PDE10A: variants seen among roughly 807,000 people sequenced by gnomAD.
The protein encoded by PDE10A is cAMP and cAMP-inhibited cGMP 3',5'-cyclic phosphodiesterase 10A.
Under a neutral mutation model 97.7 loss-of-function variants are expected in PDE10A, and 39 were observed. The observed-to-expected ratio is 0.40, with a 90% CI of 0.31 to 0.52. The LOEUF (loss-of-function observed/expected upper bound fraction) is 0.52. PDE10A is among the 20% of genes least tolerant of loss of function. The pLI, the probability that PDE10A is intolerant of heterozygous loss-of-function variation, is 0.56. For missense variants in PDE10A, 731 were observed against 1,047.8 expected, an observed-to-expected ratio of 0.70 and a Z score of 4.17; for synonymous variants, 371 against 376.8, an observed-to-expected ratio of 0.98 and a Z score of 0.18.
At chr6:165,986,500 C>CCTCTCTCTCTCTGTCT (rs1248530433) in intron 1 of PDE10A, 1 of 130,530 alleles carries the variant, frequency 7.7e-6, no homozygotes, top group African/African-American at 3.1e-5. Flanking sequence ...TGGTGTTGCG[C>CCTCTCTCTCTCTGTCT]CTCTCTCTCT....
At chr6:165,378,146 T>C (rs1245004196) in intron 18 of PDE10A, among the ~76,000 whole-genome samples, 1 of 152,228 alleles carries the variant, frequency 6.6e-6, no homozygotes, top group Non-Finnish European at 1.5e-5. Flanking sequence ...CTTTATTAGA[T>C]ATCTATAGTC....
At chr6:165,790,447 T>A (rs145759949) in intron 1 of PDE10A, among the ~76,000 whole-genome samples, 149 of 152,276 alleles carry the variant, frequency 9.8e-4, no homozygotes, top group African/African-American at 3.4e-3. Flanking sequence ...TGAGTTAACC[T>A]AAGAAAGTTT....
rs140845501 is a variant in PDE10A, at chr6:165,406,228, A to ATATGTGTGTGTGTGTGTGTGTGTGTG, written c.2076+7272_2076+7273insCACACACACACACACACACACACATA. ...TTCAAATTCAAGATGAGGGAAAAGGATGTGTGTGTGTGTGTGTGTGTGTGT... is the reference window on the plus strand; with the variant it reads ...TTCAAATTCAAGATGAGGGAAAAGGATATGTGTGTGTGTGTGTGTGTGTGTGTGTGTGTGTGTGTGTGTGTGTGTGT... On this transcript the variant is annotated intron_variant, in intron 13 of 21. Coordinates refer to ENST00000539869, the MANE Select transcript of PDE10A (RefSeq NM_001385079.1). Among the ~76,000 whole-genome samples the ATATGTGTGTGTGTGTGTGTGTGTGTG allele has an allele frequency of 2.0e-3, 284 of 140,502 alleles. 2 individuals are homozygous for ATATGTGTGTGTGTGTGTGTGTGTGTG. The highest frequency in any genetic ancestry group is 6.9e-3 in the African/African-American group (257 of 37,180). 92.2% of individuals were successfully genotyped at this position (140,502 alleles called of 152,430 possible).
chr6:165,480,470 C>T (rs1419658556), intron 3 of PDE10A, among the ~76,000 whole-genome samples: 1 of 152,052 alleles, frequency 6.6e-6, no homozygotes, highest in South Asian at 2.1e-4. Context: ...CCTGTAGTCC[C>T]AGCTATTTAG....
chr6:165,653,414 TC>T (rs1789781428), intron 1 of PDE10A, among the ~76,000 whole-genome samples: 2 of 152,120 alleles, frequency 1.3e-5, no homozygotes, highest in African/African-American at 4.8e-5. Flanking sequence ...GAAAAAGGGT[TC>T]CAGGGCACTG....
At chr6:165,333,161 G>A in intron 21 of PDE10A, 34 bp from the exon 22 acceptor site, 1 of 1,269,012 alleles carries the variant, frequency 7.9e-7, no homozygotes, top group Non-Finnish European at 1.2e-6. Flanking sequence ...AGGAGAAGCT[G>A]AATAAAGGAT....
chr6:165,860,863 C>A (rs1368346313), intron 1 of PDE10A, among the ~76,000 whole-genome samples: 1 of 152,178 alleles, frequency 6.6e-6, no homozygotes, highest in Non-Finnish European at 1.5e-5. Flanking sequence ...TGAAGGGCTC[C>A]CGCACCCATT....
chr6:165,970,013 G>A (rs1430327412), intron 1 of PDE10A, among the ~76,000 whole-genome samples: 4 of 152,178 alleles, frequency 2.6e-5, no homozygotes, highest in Non-Finnish European at 5.9e-5. Flanking sequence ...GTGACCAAGT[G>A]GTCAAAGTAA....
chr6:165,923,192 T>G (rs556687078), intron 1 of PDE10A, among the ~76,000 whole-genome samples: 19 of 152,334 alleles, frequency 1.2e-4, no homozygotes, highest in Middle Eastern at 3.4e-3. Flanking sequence ...GATGTGTCTT[T>G]TTACATGGTT....
chr6:165,827,995 C>T (rs1779808040), intron 1 of PDE10A, among the ~76,000 whole-genome samples: 1 of 152,176 alleles, frequency 6.6e-6, no homozygotes, highest in Admixed American at 6.5e-5. Flanking sequence ...TAACTGCTGG[C>T]CCCACAGAAT....
intron 1 of PDE10A, among the ~76,000 whole-genome samples, chr6:165,600,115 G>A (rs1300058604): frequency 6.6e-6 from 1 of 152,136 alleles, no homozygotes; most frequent in Non-Finnish European, 1.5e-5. Context: ...TTTCATCTCT[G>A]TCAAATCAAC....
chr6:165,906,336 C>G (rs112355749), intron 1 of PDE10A, among the ~76,000 whole-genome samples: 1 of 151,898 alleles, frequency 6.6e-6, no homozygotes, highest in African/African-American at 2.4e-5. Context: ...TATGAACTCA[C>G]GTCCTGAGAT....
intron 2 of PDE10A, among the ~76,000 whole-genome samples, chr6:165,532,229 T>C (rs922147204): frequency 6.6e-6 from 1 of 151,912 alleles, no homozygotes; most frequent in African/African-American, 2.4e-5. Context: ...CCTTTGCTCA[T>C]GTTGCTCCTC....
At chr6:165,648,316 A>G (rs1789509989) in intron 1 of PDE10A, among the ~76,000 whole-genome samples, 1 of 152,114 alleles carries the variant, frequency 6.6e-6, no homozygotes, top group South Asian at 2.1e-4. Flanking sequence ...CCGGCCTTAC[A>G]TATGCATTTC....
At chr6:165,393,951 A>G (rs930851146) in intron 15 of PDE10A, among the ~76,000 whole-genome samples, 1 of 152,190 alleles carries the variant, frequency 6.6e-6, no homozygotes, top group Admixed American at 6.5e-5. Flanking sequence ...AATTACTGAC[A>G]AAGTATCACA....
chr6:165,557,094 G>A (rs575461039), intron 1 of PDE10A, among the ~76,000 whole-genome samples: 6 of 152,164 alleles, frequency 3.9e-5, no homozygotes, highest in Non-Finnish European at 8.8e-5. Context: ...AGTCGAGGTC[G>A]TGCCACTGCA....
intron 1 of PDE10A, among the ~76,000 whole-genome samples, chr6:165,784,899 A>G (rs1232947945): frequency 6.6e-6 from 1 of 152,222 alleles, no homozygotes; most frequent in Non-Finnish European, 1.5e-5. Context: ...GAGACTTTTC[A>G]GTACTGAGAG....
chr6:165,617,926 T>C (rs1028294908), intron 1 of PDE10A, among the ~76,000 whole-genome samples: 8 of 152,024 alleles, frequency 5.3e-5, no homozygotes, highest in African/African-American at 1.7e-4. Context: ...ATTATACATA[T>C]TAATTAAATG....
At chr6:165,983,223 A>G (rs1403058795) in intron 1 of PDE10A, among the ~76,000 whole-genome samples, 1 of 152,220 alleles carries the variant, frequency 6.6e-6, no homozygotes, top group Non-Finnish European at 1.5e-5. Flanking sequence ...GGAGGAAACC[A>G]AAACCATCTG....
Sources: gnomAD v4.1 joint callset for allele counts (sites outside exome capture counted in the v4.1 genomes callset) on GRCh38, gnomAD v4.1.1 for gene constraint, MANE v1.5 for transcripts, NCBI Gene and HGNC (gene_info 2026-07-23, HGNC 2026-07-21) for gene names.